Variants in USH2A observed in about 807,000 individuals in gnomAD.
USH2A encodes Usher syndrome 2A (autosomal recessive, mild).
Under a neutral mutation model 538.9 loss-of-function variants are expected in USH2A, and 443 were observed. That is an observed-to-expected ratio of 0.82 (90% CI 0.76 to 0.89). USH2A has a LOEUF of 0.89. USH2A is among the 40% of genes least tolerant of loss of function. The pLI is 0.00. For synonymous variants in USH2A, 2,413 were observed against 2,273.5 expected, an observed-to-expected ratio of 1.06 and a Z score of -1.75; for missense variants, 6,633 against 6,324.8, an observed-to-expected ratio of 1.05 and a Z score of -1.65.
intron 44 of USH2A, among the ~76,000 whole-genome samples, chr1:215,851,194 C>A (rs1315442325): frequency 5.9e-5 from 9 of 151,994 alleles, no homozygotes; most frequent in Non-Finnish European, 1.0e-4. Flanking sequence ...TAACCAAAAT[C>A]AAAGCAGAAC....
At chr1:215,663,749 C>A (rs1466965187) in intron 64 of USH2A, among the ~76,000 whole-genome samples, 3 of 152,072 alleles carry the variant, frequency 2.0e-5, no homozygotes, top group African/African-American at 4.8e-5. Context: ...TAATAATAAT[C>A]ATTATTGTTA....
intron 52 of USH2A, 146 bp from the exon 53 acceptor site, chr1:215,783,081 C>A: frequency 1.5e-6 from 1 of 675,024 alleles, no homozygotes; most frequent in Non-Finnish European, 2.4e-6. Flanking sequence ...ACTCTAATAT[C>A]TTTATTTTCT....
chr1:215,709,266 T>C (rs1659268088), intron 61 of USH2A, among the ~76,000 whole-genome samples: 1 of 152,220 alleles, frequency 6.6e-6, no homozygotes, highest in African/African-American at 2.4e-5. Flanking sequence ...ATTTTATCTA[T>C]TTCCACTCCT....
chr1:216,046,225 T>C (rs1334339461), intron 32 of USH2A, among the ~76,000 whole-genome samples: 1 of 152,160 alleles, frequency 6.6e-6, no homozygotes, highest in African/African-American at 2.4e-5. Flanking sequence ...TAATACAATG[T>C]AAATGCTATG....
At chr1:216,240,587 A>G (rs998422205) in intron 13 of USH2A, among the ~76,000 whole-genome samples, 55 of 152,120 alleles carry the variant, frequency 3.6e-4, no homozygotes, top group African/African-American at 1.3e-3. Flanking sequence ...CTAATGGTAC[A>G]ACCATTTAAA....
intron 3 of USH2A, among the ~76,000 whole-genome samples, chr1:216,383,341 C>T (rs1046732316): frequency 2.6e-5 from 4 of 152,070 alleles, no homozygotes; most frequent in African/African-American, 9.7e-5. Flanking sequence ...AATACTCTCA[C>T]CAAATAGAAA....
At chr1:216,226,305 C>T (rs1015861043) in intron 14 of USH2A, among the ~76,000 whole-genome samples, 5 of 152,152 alleles carry the variant, frequency 3.3e-5, no homozygotes, top group African/African-American at 1.2e-4. Flanking sequence ...CTTTACATTG[C>T]AAAATACAAA....
chr1:216,070,342 C>T, intron 29 of USH2A, 50 bp from the exon 30 acceptor site: 1 of 1,536,074 alleles, frequency 6.5e-7, no homozygotes, highest in Non-Finnish European at 9.0e-7. Flanking sequence ...TCTGAGAAGA[C>T]TATTGCTCCT....
At chr1:215,918,039 G>T (rs944875533) in intron 38 of USH2A, among the ~76,000 whole-genome samples, 1 of 151,834 alleles carries the variant, frequency 6.6e-6, no homozygotes, top group Admixed American at 6.6e-5. Flanking sequence ...TTCCTCTATG[G>T]TGCCATTGAA....
chr1:215,803,671 G>A (rs1662406045), intron 49 of USH2A, among the ~76,000 whole-genome samples: 1 of 152,126 alleles, frequency 6.6e-6, no homozygotes, highest in Admixed American at 6.5e-5. Context: ...ATGCTCATGG[G>A]TAGGAAGAAT....
chr1:216,188,283 T>C (rs1362602676), intron 20 of USH2A, among the ~76,000 whole-genome samples: 1 of 151,906 alleles, frequency 6.6e-6, no homozygotes, highest in Non-Finnish European at 1.5e-5. Flanking sequence ...TCTGTAGACA[T>C]GTTTCCTGCT....
At chr1:216,286,389 A>G (rs531546063) in intron 11 of USH2A, among the ~76,000 whole-genome samples, 1 of 152,236 alleles carries the variant, frequency 6.6e-6, no homozygotes, top group Non-Finnish European at 1.5e-5. Context: ...GCTTTCAGCC[A>G]TGATTGTGAG....
At chr1:216,261,110 C>CA (rs2036362161) in intron 11 of USH2A, among the ~76,000 whole-genome samples, 1 of 151,250 alleles carries the variant, frequency 6.6e-6, no homozygotes, top group African/African-American at 2.4e-5. Flanking sequence ...ATGACAGAAA[C>CA]AAAAATAAAG....
At position 216,207,271 on chromosome 1, in the gene USH2A, A is replaced by G; in HGVS notation, c.3316+2T>C. ...TTTCTATTACCAAACCCTTAAACTCACTGTATGGGTATTGATCCTCTGTTG... is the reference window on the plus strand; with the variant it reads ...TTTCTATTACCAAACCCTTAAACTCGCTGTATGGGTATTGATCCTCTGTTG... On this transcript the variant is annotated splice_donor_variant, in intron 16 of 71. Transcript: ENST00000307340. LOFTEE classifies it high-confidence loss of function. 1 of 1,613,898 alleles carries G rather than the reference A, an allele frequency of 6.2e-7. No homozygotes were observed. Among genetic ancestry groups the G allele is most frequent in the Non-Finnish European group, 8.5e-7 (1 of 1,179,884 alleles).
At chr1:216,078,993 T>G (rs552014512) in intron 26 of USH2A, 1 of 152,216 alleles carries the variant, frequency 6.6e-6, no homozygotes, top group East Asian at 1.9e-4. Flanking sequence ...CAAATTTTCA[T>G]AGTAAAAAAT....
intron 43 of USH2A, among the ~76,000 whole-genome samples, chr1:215,868,729 A>T (rs145865339): frequency 6.6e-6 from 1 of 152,316 alleles, no homozygotes; most frequent in Non-Finnish European, 1.5e-5. Context: ...AAAGAGAGAG[A>T]AATTTTATAG....
intron 37 of USH2A, among the ~76,000 whole-genome samples, chr1:215,957,975 C>CA (rs1242115743): frequency 6.6e-6 from 1 of 152,076 alleles, no homozygotes; most frequent in African/African-American, 2.4e-5. Context: ...TCTGAAACCG[C>CA]AGATTTCCCT....
chr1:215,827,023 A>AT (rs1372823754), intron 47 of USH2A, among the ~76,000 whole-genome samples: 1 of 152,194 alleles, frequency 6.6e-6, no homozygotes, highest in Non-Finnish European at 1.5e-5. Context: ...TTAGATAAGA[A>AT]TTAACTTGTG....
rs78886655 is a variant in USH2A, at chr1:216,302,742, C to G, written c.1645-10372G>C. On this transcript the variant is annotated intron_variant, in intron 9 of 71. Transcript: ENST00000307340. ...CATTCTAATTCAAGTAATGCCTAGTCTAATTCTATGGGTAAAGTGAAATGG... is the reference window on the plus strand; with the variant it reads ...CATTCTAATTCAAGTAATGCCTAGTGTAATTCTATGGGTAAAGTGAAATGG... Among the ~76,000 whole-genome samples, 64 of 152,122 alleles carry G rather than the reference C, an allele frequency of 4.2e-4. No individual in the cohort carries two copies. In the East Asian group the frequency reaches 0.012, roughly 28 times the overall value.
Sources: allele counts gnomAD v4.1 joint callset (sites outside exome capture counted in the v4.1 genomes callset), GRCh38; gene constraint gnomAD v4.1.1; transcripts MANE v1.5; gene names NCBI Gene and HGNC (gene_info 2026-07-23, HGNC 2026-07-21).